CACNA2D1: variants seen among roughly 807,000 people sequenced by gnomAD.
The protein encoded by CACNA2D1 is calcium voltage-gated channel auxiliary subunit alpha2delta 1.
A neutral mutation model predicts 171.5 loss-of-function variants in CACNA2D1; 53 were observed. The ratio of observed to expected loss-of-function variants is 0.31; its 90% CI spans 0.25 to 0.39. CACNA2D1 has a LOEUF of 0.39. Ranked by LOEUF, CACNA2D1 falls within the 10% of genes least tolerant of loss-of-function variation. The pLI is 1.00. For missense variants in CACNA2D1, 903 were observed against 1,299.8 expected, an observed-to-expected ratio of 0.69 and a Z score of 4.69; for synonymous variants, 442 against 443.1, an observed-to-expected ratio of 1.00 and a Z score of 0.03.
At chr7:82,100,161 G>C (rs1485421176) in intron 6 of CACNA2D1, among the ~76,000 whole-genome samples, 1 of 152,082 alleles carries the variant, frequency 6.6e-6, no homozygotes, top group Non-Finnish European at 1.5e-5. Flanking sequence ...TGTGTGTGAG[G>C]ACAGAAAAAA....
intron 3 of CACNA2D1, among the ~76,000 whole-genome samples, chr7:82,206,636 CTTTT>C (rs1800028342): frequency 6.6e-6 from 1 of 152,074 alleles, no homozygotes; most frequent in South Asian, 2.1e-4. Flanking sequence ...GGCTTATTAT[CTTTT>C]TTCTAGGTCT....
At chr7:82,426,062 C>A (rs1163015593) in intron 1 of CACNA2D1, among the ~76,000 whole-genome samples, 1 of 151,268 alleles carries the variant, frequency 6.6e-6, no homozygotes, top group Non-Finnish European at 1.5e-5. Context: ...ACCTGGGAGG[C>A]GGAGGCTGCA....
chr7:82,153,298 A>T lies in CACNA2D1; in HGVS notation c.355-16622T>A, dbSNP rs193272924. Among the ~76,000 whole-genome samples, 6 of 151,594 alleles carry T rather than the reference A, an allele frequency of 4.0e-5. No homozygotes were observed. The East Asian group carries it at 1.2e-3, about 29-fold the overall frequency. ...ATTAATGAAGAATTAAAACTGAGAT[A>T]AAAAAATCTGGACACTAAAAGCAAA... On this transcript the variant is annotated intron_variant, in intron 4 of 38. Transcript: ENST00000356860.
intron 6 of CACNA2D1, among the ~76,000 whole-genome samples, chr7:82,101,678 T>C (rs2129036423): frequency 6.6e-6 from 1 of 152,286 alleles, no homozygotes; most frequent in South Asian, 2.1e-4. Context: ...GCAGTAATGG[T>C]ATTAGAATAT....
Position 82,033,430 on chromosome 7 carries a change from T to C in CACNA2D1, c.1039-529A>G, listed in dbSNP as rs1004873987. On this transcript the variant is annotated intron_variant, in intron 11 of 38. Coordinates refer to ENST00000356860, the MANE Select transcript of CACNA2D1 (RefSeq NM_000722.4). The stretch of plus-strand genomic sequence containing the variant: ...AATAAATGTCAATTTTATGCACATA[T>C]GATTTTATAGTATAAACAAAAAATA... 2.6e-5 allele frequency among the ~76,000 whole-genome samples: 4 copies of C among 152,074 alleles called. No homozygotes were observed. The South Asian group carries it at 6.2e-4, about 24-fold the overall frequency.
At chr7:82,150,323 T>C (rs1793718690) in intron 4 of CACNA2D1, among the ~76,000 whole-genome samples, 1 of 144,362 alleles carries the variant, frequency 6.9e-6, no homozygotes. Flanking sequence ...CTACTTTTTT[T>C]TTCCCCCCAG....
intron 1 of CACNA2D1, among the ~76,000 whole-genome samples, chr7:82,389,148 TTATA>T (rs534487749): frequency 7.1e-6 from 1 of 141,568 alleles, no homozygotes. Context: ...ATATATATAT[TTATA>T]TATATATATA....
At position 82,060,211 on chromosome 7, in the gene CACNA2D1, A is replaced by AATATATATATATTATATATATATT. The variant is rs1554381984; in HGVS notation, c.879+216_879+217insAATATATATATAATATATATATAT. On this transcript the variant is annotated intron_variant, in intron 10 of 38. Transcript: ENST00000356860. ...TATATTATATATATATTATATATAT[A>AATATATATATATTATATATATATT]ATATATATATAATATATATATATAA... Among the ~76,000 whole-genome samples, 4 of 31,366 alleles carry AATATATATATATTATATATATATT rather than the reference A, an allele frequency of 1.3e-4. 1 individual carries two copies. Among genetic ancestry groups the AATATATATATATTATATATATATT allele is most frequent in the Non-Finnish European group, 1.7e-4 (3 of 17,290 alleles). The allele number at this position is 31,366 out of a possible 152,430, so 20.6% of individuals were successfully genotyped here. A position where few individuals can be genotyped will look rare whatever the true frequency, so the allele number is the denominator to read the frequency against.
chr7:82,350,268 T>A (rs192142952), intron 1 of CACNA2D1, among the ~76,000 whole-genome samples: 76 of 152,360 alleles, frequency 5.0e-4, no homozygotes, highest in African/African-American at 1.7e-3. Context: ...TTCCATAATA[T>A]ACTTGATTAT....
chr7:82,375,540 CTCT>C lies in CACNA2D1; in HGVS notation c.96-25894_96-25892del, dbSNP rs554891612. On this transcript the variant is annotated intron_variant, in intron 1 of 38. Coordinates refer to ENST00000356860, the MANE Select transcript of CACNA2D1 (RefSeq NM_000722.4). ...GTTGGTTACCCCAGCCCCATGGCGC[CTCT>C]TTTCTCCTATTTTCTTGGAGTACGT... Among the ~76,000 whole-genome samples the C allele has an allele frequency of 5.4e-4, 82 of 152,304 alleles. 1 individual carries two copies. The South Asian group carries it at 0.017, about 31-fold the overall frequency.
rs116702523 is a variant in CACNA2D1 at position 82,361,692 on chromosome 7, C to T, written c.96-12043G>A. Among the ~76,000 whole-genome samples, 1,362 of 152,060 alleles carry T rather than the reference C, an allele frequency of 9.0e-3. 26 individuals carry two copies. The highest frequency in any genetic ancestry group is 0.031 in the African/African-American group (1,293 of 41,482). On this transcript the variant is annotated intron_variant, in intron 1 of 38. Coordinates refer to ENST00000356860, the MANE Select transcript of CACNA2D1 (RefSeq NM_000722.4). ...ATCCAATAGAAGCTTGCATATCATA[C>T]GCTCAGTAGATTAAAAACATGCTTT...
intron 7 of CACNA2D1, among the ~76,000 whole-genome samples, chr7:82,072,535 C>A (rs927111799): frequency 6.6e-6 from 1 of 151,218 alleles, no homozygotes; most frequent in Non-Finnish European, 1.5e-5. Flanking sequence ...CAATCATTCC[C>A]AGATGAAATT....
intron 3 of CACNA2D1, among the ~76,000 whole-genome samples, chr7:82,238,871 G>A (rs1803916945): frequency 6.6e-6 from 1 of 151,926 alleles, no homozygotes; most frequent in Non-Finnish European, 1.5e-5. Context: ...ATATTGCTTG[G>A]GAATAAACGG....
chr7:82,299,215 A>G (rs1354919136), intron 3 of CACNA2D1, among the ~76,000 whole-genome samples: 1 of 152,136 alleles, frequency 6.6e-6, no homozygotes, highest in Non-Finnish European at 1.5e-5. Context: ...TCATATACCA[A>G]ATTATTCTCA....
chr7:82,333,150 CAAAAT>C (rs1412198718), intron 3 of CACNA2D1, among the ~76,000 whole-genome samples: 1 of 151,952 alleles, frequency 6.6e-6, no homozygotes, highest in Non-Finnish European at 1.5e-5. Context: ...AATAGAAAGA[CAAAAT>C]ATAATAAAGA....
intron 6 of CACNA2D1, among the ~76,000 whole-genome samples, chr7:82,091,926 C>T (rs1811222551): frequency 6.6e-6 from 1 of 152,066 alleles, no homozygotes; most frequent in Admixed American, 6.5e-5. Flanking sequence ...TCCTAGACAG[C>T]CTATAGGGTT....
At chr7:82,361,745 T>C (rs533582285) in intron 1 of CACNA2D1, among the ~76,000 whole-genome samples, 34 of 152,296 alleles carry the variant, frequency 2.2e-4, no homozygotes, top group African/African-American at 7.5e-4. Flanking sequence ...CGTACAGTTA[T>C]TGGAGAAGGC....
chr7:82,123,806 A>C (rs1790016046), intron 5 of CACNA2D1, among the ~76,000 whole-genome samples: 1 of 152,218 alleles, frequency 6.6e-6, no homozygotes, highest in Non-Finnish European at 1.5e-5. Context: ...ATGATACATA[A>C]AGTTATAGTA....
At position 82,145,220 on chromosome 7, in the gene CACNA2D1, A is replaced by G. The variant is rs553753569; in HGVS notation, c.355-8544T>C. Among the ~76,000 whole-genome samples the G allele has an allele frequency of 7.5e-5, 11 of 146,958 alleles. No homozygotes were observed. In the South Asian group the frequency reaches 2.3e-3, roughly 31 times the overall value. Reference sequence around the variant, plus strand: ...CTACATCTTAGAGACAGTGAATTTTATATATATATAAAATATAAATTATAT... The same window carrying G: ...CTACATCTTAGAGACAGTGAATTTTGTATATATATAAAATATAAATTATAT... On this transcript the variant is annotated intron_variant, in intron 4 of 38. Transcript: ENST00000356860.
Sources: gnomAD v4.1 joint callset for allele counts (sites outside exome capture counted in the v4.1 genomes callset) on GRCh38, gnomAD v4.1.1 for gene constraint, MANE v1.5 for transcripts, NCBI Gene and HGNC (gene_info 2026-07-23, HGNC 2026-07-21) for gene names.